The following EXOC2 variants were observed in gnomAD, a reference collection of about 807,000 sequenced individuals.
EXOC2 encodes exocyst complex component 2, also known as SEC5-like 1.
A neutral mutation model predicts 131.8 loss-of-function variants in EXOC2; 70 were observed. That is an observed-to-expected ratio of 0.53 (90% CI 0.44 to 0.65). EXOC2 has a LOEUF of 0.65. Ranked by LOEUF, EXOC2 falls within the 30% of genes least tolerant of loss-of-function variation. EXOC2 has a pLI of 0.00. For missense variants in EXOC2, 923 were observed against 1,108.6 expected (o/e 0.83, Z 2.38); for synonymous variants, 411 against 398.4 (o/e 1.03, Z -0.38).
Position 597,078 on chromosome 6 carries a change from G to A in EXOC2, c.1073+943C>T, listed in dbSNP as rs143997881. Reference sequence around the variant, plus strand: ...GAAACCGAAAAATAGAACTCAAGTCGGTTGCCCAAAGTTAACAGCTAGTTC... The same window carrying A: ...GAAACCGAAAAATAGAACTCAAGTCAGTTGCCCAAAGTTAACAGCTAGTTC... On this transcript the variant is annotated intron_variant, in intron 10 of 27. Transcript: ENST00000230449. 1.3e-3 allele frequency among the ~76,000 whole-genome samples: 205 copies of A among 152,220 alleles called. 1 individual carries two copies. Among genetic ancestry groups the A allele is most frequent in the African/African-American group, 4.6e-3 (191 of 41,528 alleles).
intron 22 of EXOC2, among the ~76,000 whole-genome samples, chr6:538,983 T>C (rs1381811958): frequency 6.6e-6 from 1 of 151,504 alleles, no homozygotes; most frequent in African/African-American, 2.4e-5. Flanking sequence ...GAGGCAGGAA[T>C]TGCTTGAACC....
chr6:545,337 G>A (rs2127559730), intron 22 of EXOC2, among the ~76,000 whole-genome samples: 1 of 152,262 alleles, frequency 6.6e-6, no homozygotes, highest in East Asian at 1.9e-4. Flanking sequence ...CTGGAATTAT[G>A]TAATTATACC....
At chr6:608,825 A>T (rs1204169056) in intron 7 of EXOC2, among the ~76,000 whole-genome samples, 2 of 152,238 alleles carry the variant, frequency 1.3e-5, no homozygotes, top group East Asian at 3.8e-4. Context: ...TTTTTTATAC[A>T]GATATCATAG....
At chr6:639,796 G>C (rs1296928669) in intron 1 of EXOC2, among the ~76,000 whole-genome samples, 1 of 152,190 alleles carries the variant, frequency 6.6e-6, no homozygotes, top group African/African-American at 2.4e-5. Context: ...GCCCTCTAAA[G>C]GGTCGCTGGA....
chr6:621,763 C>A (rs752556966), intron 4 of EXOC2, among the ~76,000 whole-genome samples: 2 of 152,192 alleles, frequency 1.3e-5, no homozygotes, highest in Non-Finnish European at 2.9e-5. Flanking sequence ...GTCCTTTTCA[C>A]CGGTCAGCAG....
chr6:563,969 G>C (rs1043400238), intron 16 of EXOC2, 64 bp downstream of exon 16: 2 of 1,581,080 alleles, frequency 1.3e-6, no homozygotes, highest in East Asian at 2.2e-5. Context: ...TTTGGACACT[G>C]AAAGGAGGTG....
chr6:589,631 C>T (rs1030452596), intron 11 of EXOC2, among the ~76,000 whole-genome samples: 1 of 152,228 alleles, frequency 6.6e-6, no homozygotes, highest in African/African-American at 2.4e-5. Context: ...AGACCACAAG[C>T]TCCAAGAGGC....
At chr6:488,233 C>T (rs1333695424) in intron 27 of EXOC2, among the ~76,000 whole-genome samples, 2 of 152,210 alleles carry the variant, frequency 1.3e-5, no homozygotes, top group East Asian at 3.9e-4. Flanking sequence ...GATCTCTCTG[C>T]CCTGCACTGA....
At chr6:531,780 A>G (rs1561822700) in intron 23 of EXOC2, among the ~76,000 whole-genome samples, 1 of 152,240 alleles carries the variant, frequency 6.6e-6, no homozygotes. Flanking sequence ...ACTTCTACAT[A>G]AACTACTTCT....
rs1763062456 is a variant in EXOC2, at chr6:486,578, A to C, written c.*93T>G. ...GAAAAAAGAGAAAAATGGCAAACCC[A>C]ATGTTTAATACACCAAATACCTTTA... On this transcript the variant is annotated 3_prime_UTR_variant, in exon 28 of 28. Transcript: ENST00000230449. 8.7e-7 allele frequency: 1 copy of C among 1,149,612 alleles called. No individual in the cohort carries two copies. The highest frequency in any genetic ancestry group is 2.2e-5 in the Admixed American group (1 of 45,534). The allele number at this position is 1,149,612 out of a possible 1,614,324, so 71.2% of individuals were successfully genotyped here.
chr6:580,551 C>T (rs574616997), intron 11 of EXOC2, among the ~76,000 whole-genome samples: 11 of 151,718 alleles, frequency 7.3e-5, no homozygotes, highest in Middle Eastern at 3.4e-3. Flanking sequence ...TACCTTGGGC[C>T]CTGATGAAAA....
chr6:637,743 T>C lies in EXOC2; in HGVS notation c.76A>G (p.Ile26Val), dbSNP rs760715821. 1 of 1,613,892 alleles carries C rather than the reference T, an allele frequency of 6.2e-7. No homozygotes were observed. Residue 26 changes from isoleucine to valine, a missense_variant, in exon 2 of 28, where the codon ATC (isoleucine) becomes GTC (valine). Transcript: ENST00000230449. ...NEGIPWTKVT[I>V]RGENLGTGPT... Reference sequence around the variant, plus strand: ...CCAGTCCCCAGATTTTCTCCCCTGATTGTGACCTTCGTCCATGGTATCCCT... The same window carrying C: ...CCAGTCCCCAGATTTTCTCCCCTGACTGTGACCTTCGTCCATGGTATCCCT...
chr6:562,916 A>G (rs1284982895), intron 16 of EXOC2, 71 bp from the exon 17 acceptor site: 2 of 1,111,898 alleles, frequency 1.8e-6, no homozygotes, highest in Admixed American at 5.6e-5. Flanking sequence ...TTAAAAATGT[A>G]TACAGGTTAT....
chr6:562,332 G>A (rs1757742998), intron 17 of EXOC2, among the ~76,000 whole-genome samples: 1 of 152,216 alleles, frequency 6.6e-6, no homozygotes. Flanking sequence ...AGTCCCAGCT[G>A]AAAAGATGAA....
At chr6:681,068 C>T (rs1421948009) in intron 1 of EXOC2, among the ~76,000 whole-genome samples, 4 of 152,178 alleles carry the variant, frequency 2.6e-5, no homozygotes, top group South Asian at 2.1e-4. Flanking sequence ...AGGACAGATG[C>T]CATTCCTTGA....
rs148952726 is a variant in EXOC2 at position 652,277 on chromosome 6, C to T, written c.-43-14416G>A. 2.7e-3 allele frequency among the ~76,000 whole-genome samples: 407 copies of T among 152,252 alleles called. 2 individuals carry two copies. Among genetic ancestry groups the T allele is most frequent in the African/African-American group, 9.2e-3 (384 of 41,552 alleles). ...TGTTATAACTTTAATAGCATTAAAT[C>T]AGAATCTAGCCCAACGGAAACACAT... On this transcript the variant is annotated intron_variant, in intron 1 of 27. Transcript: ENST00000230449.
At chr6:561,149 T>C (rs1757680633) in intron 17 of EXOC2, among the ~76,000 whole-genome samples, 1 of 152,228 alleles carries the variant, frequency 6.6e-6, no homozygotes, top group Non-Finnish European at 1.5e-5. Context: ...CCTTGTTATA[T>C]ATAAAGTAAG....
At chr6:490,307 C>G (rs997144648) in intron 26 of EXOC2, among the ~76,000 whole-genome samples, 1 of 152,166 alleles carries the variant, frequency 6.6e-6, no homozygotes, top group African/African-American at 2.4e-5. Flanking sequence ...GAAGTGTGCA[C>G]ACATCCAACA....
chr6:660,131 T>C (rs1763353311), intron 1 of EXOC2, among the ~76,000 whole-genome samples: 1 of 149,850 alleles, frequency 6.7e-6, no homozygotes, highest in Admixed American at 6.6e-5. Flanking sequence ...ACAGCCATAA[T>C]CCCCCTAGGT....
Sources: gnomAD v4.1 joint callset for allele counts (sites outside exome capture counted in the v4.1 genomes callset) on GRCh38, gnomAD v4.1.1 for gene constraint, MANE v1.5 for transcripts, NCBI Gene and HGNC (gene_info 2026-07-23, HGNC 2026-07-21) for gene names.